NAV2: variants seen among roughly 807,000 people sequenced by gnomAD.
The protein encoded by NAV2 is helicase, APC down-regulated 1.
NAV2 carries 54 observed loss-of-function variants against 223.2 expected under a neutral mutation model. The ratio of observed to expected loss-of-function variants is 0.24; its 90% CI spans 0.19 to 0.30. NAV2 has a LOEUF of 0.30. NAV2 is among the 10% of genes least tolerant of loss of function. NAV2 has a pLI of 1.00. For synonymous variants in NAV2, 1,279 were observed against 1,239.3 expected (o/e 1.03, Z -0.67); for missense variants, 2,806 against 3,147.5 (o/e 0.89, Z 2.60).
intron 1 of NAV2, among the ~76,000 whole-genome samples, chr11:19,547,416 T>C (rs1015467778): frequency 6.6e-6 from 1 of 152,222 alleles, no homozygotes; most frequent in African/African-American, 2.4e-5. Context: ...GTTTTTCTAA[T>C]TGCAAACTCT....
chr11:19,979,769 T>C (rs915177544), intron 10 of NAV2, among the ~76,000 whole-genome samples: 11 of 152,224 alleles, frequency 7.2e-5, no homozygotes, highest in Admixed American at 3.3e-4. Flanking sequence ...GGCACTGGGC[T>C]TTCTAAACAT....
At chr11:20,094,182 T>C (rs995057637) in intron 29 of NAV2, among the ~76,000 whole-genome samples, 2 of 151,678 alleles carry the variant, frequency 1.3e-5, no homozygotes, top group African/African-American at 4.8e-5. Context: ...AGTAAAGTGA[T>C]GGACTGTTAG....
chr11:19,774,469 G>A (rs888620343), intron 1 of NAV2, among the ~76,000 whole-genome samples: 4 of 152,138 alleles, frequency 2.6e-5, no homozygotes, highest in African/African-American at 9.7e-5. Flanking sequence ...GAGCTACCGC[G>A]CTCAGCCAGC....
At chr11:20,011,226 T>C (rs143323398) in intron 11 of NAV2, among the ~76,000 whole-genome samples, 71 of 152,326 alleles carry the variant, frequency 4.7e-4, no homozygotes, top group African/African-American at 1.6e-3. Flanking sequence ...TGATAAAAGA[T>C]TGGGATTTAA....
upstream of NAV2, among the ~76,000 whole-genome samples, chr11:19,709,733 C>T (rs940816530): frequency 1.3e-5 from 2 of 151,610 alleles, no homozygotes; most frequent in Admixed American, 6.6e-5. Context: ...TGCAGTGAGC[C>T]AAGATCGCGC....
upstream of NAV2, among the ~76,000 whole-genome samples, chr11:19,709,614 C>T (rs2049800756): frequency 1.3e-5 from 2 of 148,172 alleles, no homozygotes; most frequent in Non-Finnish European, 1.5e-5. Context: ...GCAGGTGGAT[C>T]ACTTGAGGTC....
chr11:19,957,806 T>A (rs1276044417), intron 10 of NAV2, among the ~76,000 whole-genome samples: 1 of 152,080 alleles, frequency 6.6e-6, no homozygotes, highest in African/African-American at 2.4e-5. Context: ...GACAGCCCCA[T>A]GGAGAAATGA....
intron 1 of NAV2, among the ~76,000 whole-genome samples, chr11:19,437,000 A>G (rs1375426232): frequency 6.6e-6 from 1 of 152,188 alleles, no homozygotes; most frequent in East Asian, 1.9e-4. Flanking sequence ...AGGATTTTCT[A>G]TACATAAGAT....
At chr11:19,468,516 C>T (rs1031900119) in intron 1 of NAV2, among the ~76,000 whole-genome samples, 1 of 152,156 alleles carries the variant, frequency 6.6e-6, no homozygotes, top group African/African-American at 2.4e-5. Flanking sequence ...TGGCATTCTC[C>T]TTTCTGTGTC....
Position 19,832,597 on chromosome 11 carries a change from T to G in NAV2, c.381T>G (p.Val127=). 1.2e-6 allele frequency: 2 copies of G among 1,613,736 alleles called. No individual in the cohort carries two copies. The highest frequency in any genetic ancestry group is 1.7e-6 in the Non-Finnish European group (2 of 1,179,638). ...TCCTCCTGGCCCAGATTATCCAGGTTGTGGGTAAGAGCAGATTTTACCTTG... is the reference window on the plus strand; with the variant it reads ...TCCTCCTGGCCCAGATTATCCAGGTGGTGGGTAAGAGCAGATTTTACCTTG... ...DGVLLAQIIQ[V]VANEKIEDIN... Residue 127 remains valine (V), a synonymous_variant, in exon 2 of 38, where the codon GTT becomes GTG. Coordinates refer to ENST00000349880, the MANE Select transcript of NAV2 (RefSeq NM_145117.5).
At chr11:19,817,186 C>T (rs901141750) in intron 1 of NAV2, among the ~76,000 whole-genome samples, 1 of 152,174 alleles carries the variant, frequency 6.6e-6, no homozygotes, top group Non-Finnish European at 1.5e-5. Flanking sequence ...TAGCCACTCA[C>T]CTGCCCTGGT....
At chr11:19,942,711 G>A (rs2046502182) in intron 8 of NAV2, among the ~76,000 whole-genome samples, 1 of 152,202 alleles carries the variant, frequency 6.6e-6, no homozygotes, top group South Asian at 2.1e-4. Context: ...CTGTCTGGGT[G>A]CAGTAGCTAT....
intron 16 of NAV2, 80 bp from the exon 17 acceptor site, chr11:20,051,209 A>T (rs1273382155): frequency 2.5e-6 from 3 of 1,212,078 alleles, no homozygotes; most frequent in Non-Finnish European, 3.7e-6. Context: ...AGGGCCCTTC[A>T]GTCCCCTCCC....
At chr11:19,364,155 A>G (rs937645967) in intron 1 of NAV2, among the ~76,000 whole-genome samples, 2 of 152,174 alleles carry the variant, frequency 1.3e-5, no homozygotes, top group Non-Finnish European at 2.9e-5. Context: ...GAAGTCCACC[A>G]AAGAGTCACC....
At chr11:19,560,730 G>A (rs1410857423) in intron 1 of NAV2, among the ~76,000 whole-genome samples, 1 of 152,186 alleles carries the variant, frequency 6.6e-6, no homozygotes, top group Non-Finnish European at 1.5e-5. Context: ...CTGAGTGTCT[G>A]GTCTAGATAA....
intron 1 of NAV2, among the ~76,000 whole-genome samples, chr11:19,829,398 T>C (rs977229925): frequency 2.0e-5 from 3 of 152,218 alleles, no homozygotes; most frequent in Admixed American, 2.0e-4. Context: ...GAAATTTGGC[T>C]GTGAGAAGGG....
chr11:19,942,988 A>T (rs369228231), intron 8 of NAV2, among the ~76,000 whole-genome samples: 1 of 152,220 alleles, frequency 6.6e-6, no homozygotes, highest in African/African-American at 2.4e-5. Flanking sequence ...GTCTCTAAAA[A>T]ATAAAATAGT....
rs116113241 is a variant in NAV2 at position 19,875,215 on chromosome 11, G to A, written c.512-4654G>A. Among the ~76,000 whole-genome samples the A allele has an allele frequency of 6.6e-3, 1,009 of 152,198 alleles. 13 individuals are homozygous for A. Among genetic ancestry groups the A allele is most frequent in the African/African-American group, 0.023 (966 of 41,510 alleles). On this transcript the variant is annotated intron_variant, in intron 4 of 37. Coordinates refer to ENST00000349880, the MANE Select transcript of NAV2 (RefSeq NM_145117.5). ...ACAGATGCTCCTCAACTTACTGTAG[G>A]GTTATGTCCTGATAAACCCACCATA... is the stretch of plus-strand genomic sequence containing the variant.
At chr11:19,557,888 A>G (rs1198065825) in intron 1 of NAV2, among the ~76,000 whole-genome samples, 1 of 152,218 alleles carries the variant, frequency 6.6e-6, no homozygotes, top group African/African-American at 2.4e-5. Context: ...CCAGAATGAC[A>G]GAGGGCACTT....
Sources: allele counts gnomAD v4.1 joint callset (sites outside exome capture counted in the v4.1 genomes callset), GRCh38; gene constraint gnomAD v4.1.1; transcripts MANE v1.5; gene names NCBI Gene and HGNC (gene_info 2026-07-23, HGNC 2026-07-21).